Variants in COL21A1 observed in about 807,000 individuals in gnomAD.
COL21A1 encodes collagen type XXI alpha 1 chain, also known as collagen alpha-1(XXI) chain.
In COL21A1, 149 loss-of-function variants were observed where a neutral mutation model predicts 137.9. The observed-to-expected ratio is 1.08, with a 90% CI of 0.95 to 1.24. COL21A1 has a LOEUF of 1.24. Among genes scored for constraint, COL21A1 ranks in the 50% most tolerant of loss-of-function variants. COL21A1 has a pLI of 0.00. For missense variants in COL21A1, 1,167 were observed against 1,158.4 expected (o/e 1.01, Z -0.11); for synonymous variants, 456 against 391.5 (o/e 1.16, Z -1.95).
chr6:56,346,898 G>A (rs1429674016), intron 1 of COL21A1, among the ~76,000 whole-genome samples: 1 of 152,094 alleles, frequency 6.6e-6, no homozygotes, highest in Non-Finnish European at 1.5e-5. Flanking sequence ...CCTCTGCGAG[G>A]ATCTTGTCCC....
chr6:56,186,263 AT>A (rs1172761252), intron 1 of COL21A1, among the ~76,000 whole-genome samples: 1 of 152,198 alleles, frequency 6.6e-6, no homozygotes, highest in Non-Finnish European at 1.5e-5. Context: ...GAACATCTCA[AT>A]TTATTGGTAG....
upstream of COL21A1, among the ~76,000 whole-genome samples, chr6:56,251,072 C>A (rs535843432): frequency 1.7e-4 from 26 of 152,230 alleles, no homozygotes; most frequent in South Asian, 2.1e-3. Flanking sequence ...CCCTTACAGT[C>A]CTCTGTCTCA....
intron 14 of COL21A1, among the ~76,000 whole-genome samples, 191 bp from the exon 15 acceptor site, chr6:56,124,483 G>C (rs960230904): frequency 6.6e-6 from 1 of 152,212 alleles, no homozygotes; most frequent in African/African-American, 2.4e-5. Flanking sequence ...CATTAAAAAT[G>C]TTGATAGATG....
chr6:56,344,333 T>G (rs1262523791), intron 1 of COL21A1, among the ~76,000 whole-genome samples: 1 of 152,202 alleles, frequency 6.6e-6, no homozygotes, highest in Non-Finnish European at 1.5e-5. Flanking sequence ...GCAGTTGTCC[T>G]ATTTTCTTTC....
chr6:56,095,972 G>A (rs1410886543), intron 17 of COL21A1, among the ~76,000 whole-genome samples: 3 of 151,944 alleles, frequency 2.0e-5, no homozygotes, highest in Non-Finnish European at 2.9e-5. Flanking sequence ...ACAGCCTCCC[G>A]AGTAGGTGGG....
In COL21A1 at chr6:56,166,457, G is replaced by T. The variant is rs536427143; in HGVS notation, c.1278+449C>A. ...ACCTGCGGTCAGGAGTTCGAGACCA[G>T]CCTGGCCAACATGGTGAAACCCTGT... On this transcript the variant is annotated intron_variant, in intron 7 of 29. Coordinates refer to ENST00000244728, the MANE Select transcript of COL21A1 (RefSeq NM_030820.4). Among the ~76,000 whole-genome samples, 20 of 152,230 alleles carry T rather than the reference G, an allele frequency of 1.3e-4. No homozygotes were observed. The South Asian group carries it at 4.1e-3, about 32-fold the overall frequency.
rs529957762 is a variant in COL21A1 at position 56,301,168 on chromosome 6, A to G, written c.-39+92803T>C. Reference sequence around the variant, plus strand: ...TGCGAATATGTTGCCTTACATGGCAAAAGAGACTCTAAAGATGTGTCTAAA... The same window carrying G: ...TGCGAATATGTTGCCTTACATGGCAGAAGAGACTCTAAAGATGTGTCTAAA... On this transcript the variant is annotated intron_variant, in intron 1 of 28. Transcript: ENST00000370819. Among the ~76,000 whole-genome samples, 6 of 152,292 alleles carry G rather than the reference A, an allele frequency of 3.9e-5. No individual in the cohort carries two copies. The East Asian group carries it at 9.7e-4, about 24-fold the overall frequency.
At chr6:56,322,883 TC>T (rs1188138427) in intron 1 of COL21A1, among the ~76,000 whole-genome samples, 7 of 118,644 alleles carry the variant, frequency 5.9e-5, no homozygotes, top group African/African-American at 2.2e-4. Flanking sequence ...TCCTCTGCTA[TC>T]AAAAAAAAAA....
intron 10 of COL21A1, among the ~76,000 whole-genome samples, chr6:56,153,178 T>C (rs1775454601): frequency 6.6e-6 from 1 of 151,910 alleles, no homozygotes; most frequent in South Asian, 2.1e-4. Flanking sequence ...AGGTTTGGAG[T>C]CTATTCCTTC....
intron 1 of COL21A1, among the ~76,000 whole-genome samples, chr6:56,198,236 T>C (rs1358395578): frequency 1.3e-5 from 2 of 152,048 alleles, no homozygotes; most frequent in Non-Finnish European, 2.9e-5. Flanking sequence ...AGAGGAGATG[T>C]TGGTCAAAGG....
At chr6:56,310,988 A>C (rs536244931) in intron 1 of COL21A1, among the ~76,000 whole-genome samples, 1 of 152,212 alleles carries the variant, frequency 6.6e-6, no homozygotes, top group African/African-American at 2.4e-5. Context: ...GCAAATTAAC[A>C]GATACTTAGC....
chr6:56,329,743 C>G (rs148558121), intron 1 of COL21A1, among the ~76,000 whole-genome samples: 1,903 of 152,134 alleles, frequency 0.013, 24 homozygotes, highest in Non-Finnish European at 0.02. Flanking sequence ...CCTAGGACTT[C>G]CCATAGGTGT....
chr6:56,378,614 G>C (rs2094003729), intron 1 of COL21A1, among the ~76,000 whole-genome samples: 1 of 152,210 alleles, frequency 6.6e-6, no homozygotes, highest in Non-Finnish European at 1.5e-5. Flanking sequence ...CTGGCTCCTG[G>C]ATAGCACCTC....
upstream of COL21A1, among the ~76,000 whole-genome samples, chr6:56,251,470 A>G (rs938309814): frequency 6.6e-6 from 1 of 152,246 alleles, no homozygotes; most frequent in Non-Finnish European, 1.5e-5. Context: ...TGTATATAAT[A>G]CTGAATAAAT....
At chr6:56,133,760 TA>T (rs749313445) in intron 12 of COL21A1, among the ~76,000 whole-genome samples, 28 of 152,158 alleles carry the variant, frequency 1.8e-4, no homozygotes, top group Non-Finnish European at 3.8e-4. Context: ...CAGCCATGGC[TA>T]AAAGGGACCA....
chr6:56,323,522 T>C (rs969058710), intron 1 of COL21A1, among the ~76,000 whole-genome samples: 2 of 152,150 alleles, frequency 1.3e-5, no homozygotes, highest in East Asian at 3.9e-4. Context: ...CCCTAGTAGC[T>C]GGGATTACAG....
chr6:56,383,446 T>G (rs2094012027), intron 1 of COL21A1, among the ~76,000 whole-genome samples: 1 of 152,250 alleles, frequency 6.6e-6, no homozygotes, highest in Non-Finnish European at 1.5e-5. Context: ...CTGGATGATC[T>G]GATAAACTAT....
intron 1 of COL21A1, among the ~76,000 whole-genome samples, chr6:56,209,755 G>C (rs1423795773): frequency 1.3e-5 from 2 of 152,120 alleles, no homozygotes; most frequent in Non-Finnish European, 2.9e-5. Flanking sequence ...AATACCATTT[G>C]ACCCAGCAAT....
Position 56,166,583 on chromosome 6 carries a change from G to A in COL21A1, c.1278+323C>T, listed in dbSNP as rs1180621419. 4.6e-5 allele frequency among the ~76,000 whole-genome samples: 7 copies of A among 152,110 alleles called. No homozygotes were observed. In the East Asian group the frequency reaches 5.8e-4, roughly 13 times the overall value. On this transcript the variant is annotated intron_variant, in intron 7 of 29. Coordinates refer to ENST00000244728, the MANE Select transcript of COL21A1 (RefSeq NM_030820.4). ...AGGAGAATTTCTTGAACCCAGACGC[G>A]GAGGTTGCAGTGACCCGAGATTGCG... is the stretch of plus-strand genomic sequence containing the variant.
Sources: gnomAD v4.1 joint callset for allele counts (sites outside exome capture counted in the v4.1 genomes callset) on GRCh38, gnomAD v4.1.1 for gene constraint, MANE v1.5 for transcripts, NCBI Gene and HGNC (gene_info 2026-07-23, HGNC 2026-07-21) for gene names.